The following FADS2 variants were observed in gnomAD, a reference collection of about 807,000 sequenced individuals.
FADS2 encodes the protein fatty acid desaturase 2.
A neutral mutation model predicts 61.2 loss-of-function variants in FADS2; 18 were observed. That is an observed-to-expected ratio of 0.29 (90% CI 0.20 to 0.44). The LOEUF (loss-of-function observed/expected upper bound fraction) is 0.44, where lower values mean the gene tolerates loss of function less well. Ranked by LOEUF, FADS2 falls within the 20% of genes least tolerant of loss-of-function variation. The pLI is 1.00. For synonymous variants in FADS2, 203 were observed against 223.9 expected (o/e 0.91, Z 0.83); for missense variants, 322 against 572.7 (o/e 0.56, Z 4.47).
At position 61,865,486 on chromosome 11, in the gene FADS2, C is replaced by A; in HGVS notation, c.1284-152C>A. ...TGTGGGGTTCCTGGTGGGCTCTGAG[C>A]TGACAGCCCCACAGGCCCAGTGGCA... On this transcript the variant is annotated intron_variant, in intron 11 of 11. Coordinates refer to ENST00000278840, the MANE Select transcript of FADS2 (RefSeq NM_004265.4). This position sits in a 1 kb window ranked among gnomAD's most constrained non-coding sequence, Gnocchi z 4.1. 1.1e-6 allele frequency: 1 copy of A among 928,698 alleles called. No homozygotes were observed. Among genetic ancestry groups the A allele is most frequent in the African/African-American group, 1.6e-5 (1 of 60,630 alleles). The allele number at this position is 928,698 out of a possible 1,614,324, so 57.5% of individuals were successfully genotyped here.
At chr11:61,826,177 G>A, upstream of FADS2, 1 of 702,568 alleles carries the variant, frequency 1.4e-6, no homozygotes, top group Non-Finnish European at 2.6e-6. Context: ...AGGCTGCTGG[G>A]GCTTTTCTCA....
chr11:61,850,795 G>T (rs1170332816), intron 5 of FADS2, among the ~76,000 whole-genome samples: 3 of 152,170 alleles, frequency 2.0e-5, no homozygotes, highest in Non-Finnish European at 4.4e-5. Context: ...ATCAGCATCT[G>T]CCAAGTGAGG....
At position 61,857,627 on chromosome 11, in the gene FADS2, A is replaced by T; in HGVS notation, c.882+97A>T. On this transcript the variant is annotated intron_variant, in intron 7 of 11. Transcript: ENST00000278840. ...GCTGCCTCCTCGTGTGCCCCAGTGG[A>T]GCCTGTGGGGCCCCAGGCATCTCCT... 3 of 1,106,182 alleles carry T rather than the reference A, an allele frequency of 2.7e-6. No individual in the cohort carries two copies. In the South Asian group the frequency reaches 3.8e-5, roughly 14 times the overall value. The allele number at this position is 1,106,182 out of a possible 1,614,324, so 68.5% of individuals were successfully genotyped here.
intron 5 of FADS2, chr11:61,848,669 G>A (rs998028486): frequency 4.3e-4 from 79 of 184,050 alleles, no homozygotes; most frequent in African/African-American, 1.7e-3. Context: ...TTTCTGGCTT[G>A]TTTTTTCCCA....
intron 4 of FADS2, among the ~76,000 whole-genome samples, chr11:61,845,419 T>G (rs964556495): frequency 2.6e-5 from 4 of 152,156 alleles, no homozygotes; most frequent in Admixed American, 2.6e-4. Flanking sequence ...AGCTGGCCAT[T>G]GTTCCTGGGC....
Position 61,816,611 on chromosome 11 carries a change from G to A in FADS2, c.141+185G>A, listed in dbSNP as rs2066986471. On this transcript the variant is annotated intron_variant, in intron 1 of 11. Transcript: ENST00000257261. This position sits in a 1 kb window ranked among gnomAD's most constrained non-coding sequence, Gnocchi z 7.0. ...ACCCGGGAGCCCCCTGGATGCCGGCGGGTGAACTCGCTGATGTTGTACACC... is the reference window on the plus strand; with the variant it reads ...ACCCGGGAGCCCCCTGGATGCCGGCAGGTGAACTCGCTGATGTTGTACACC... 2 of 1,605,172 alleles carry A rather than the reference G, an allele frequency of 1.2e-6. No individual in the cohort carries two copies. Among genetic ancestry groups the A allele is most frequent in the African/African-American group, 1.3e-5 (1 of 74,814 alleles).
chr11:61,859,573 T>C (rs1327485904), intron 7 of FADS2, among the ~76,000 whole-genome samples: 1 of 152,260 alleles, frequency 6.6e-6, no homozygotes, highest in Admixed American at 6.5e-5. Flanking sequence ...TCCATGTTAA[T>C]GAATGGCTCC....
At chr11:61,840,251 G>T in intron 2 of FADS2, 83 bp from the exon 3 acceptor site, 1 of 1,167,406 alleles carries the variant, frequency 8.6e-7, no homozygotes, top group Non-Finnish European at 1.3e-6. Flanking sequence ...TTGTGCATTG[G>T]CTGTTGAAAT....
chr11:61,826,524 G>T (rs1360799640), upstream of FADS2: 1 of 603,704 alleles, frequency 1.7e-6, no homozygotes, highest in African/African-American at 1.9e-5. Context: ...CCATTTCTGA[G>T]AAAATAATTT....
chr11:61,857,180 A>G, intron 6 of FADS2, 109 bp downstream of exon 6: 1 of 1,011,196 alleles, frequency 9.9e-7, no homozygotes, highest in Non-Finnish European at 1.6e-6. Flanking sequence ...GTGACACTAA[A>G]CTTGTTAGAA....
chr11:61,816,780 C>A lies in FADS2; in HGVS notation c.141+354C>A. On this transcript the variant is annotated intron_variant, in intron 1 of 11. Transcript: ENST00000257261. This position sits in a 1 kb window ranked among gnomAD's most constrained non-coding sequence, Gnocchi z 7.0. Reference sequence around the variant, plus strand: ...CCATAGCTGGCCTGGCGACGCCGCGCGCCGGGCCAGCAGGGGCTGTCAGGC... The same window carrying A: ...CCATAGCTGGCCTGGCGACGCCGCGAGCCGGGCCAGCAGGGGCTGTCAGGC... 1 of 1,519,742 alleles carries A rather than the reference C, an allele frequency of 6.6e-7. No homozygotes were observed. Among genetic ancestry groups the A allele is most frequent in the Non-Finnish European group, 8.8e-7 (1 of 1,139,444 alleles). 94.1% of individuals were successfully genotyped at this position (1,519,742 alleles called of 1,614,324 possible).
At chr11:61,858,608 T>C (rs1016726990) in intron 7 of FADS2, among the ~76,000 whole-genome samples, 3 of 151,776 alleles carry the variant, frequency 2.0e-5, no homozygotes, top group African/African-American at 7.3e-5. Flanking sequence ...TTTTTTGAGA[T>C]GGTGTTTCGC....
chr11:61,844,311 C>T (rs528694883), intron 4 of FADS2, among the ~76,000 whole-genome samples: 1 of 152,258 alleles, frequency 6.6e-6, no homozygotes, highest in Non-Finnish European at 1.5e-5. Flanking sequence ...TGGCTCATGC[C>T]TGTAATCCCA....
intron 1 of FADS2, among the ~76,000 whole-genome samples, chr11:61,831,369 A>T (rs922704527): frequency 1.1e-4 from 16 of 152,150 alleles, no homozygotes; most frequent in Admixed American, 1.0e-3. Flanking sequence ...ATTCCCAGGC[A>T]ATGTTCTGAG....
At chr11:61,837,496 G>A (rs538323116) in intron 1 of FADS2, among the ~76,000 whole-genome samples, 17 of 152,316 alleles carry the variant, frequency 1.1e-4, no homozygotes, top group Admixed American at 3.9e-4. Context: ...ACCATTTCCC[G>A]ACCTGCCCAA....
intron 1 of FADS2, among the ~76,000 whole-genome samples, chr11:61,822,981 CTT>C (rs1232581105): frequency 6.6e-6 from 1 of 152,178 alleles, no homozygotes; most frequent in Admixed American, 6.5e-5. Flanking sequence ...TTTTTAGTCT[CTT>C]GTCATTTGTT....
In FADS2 at chr11:61,865,307, C is replaced by T; in HGVS notation, c.1283+30C>T. On this transcript the variant is annotated intron_variant, in intron 11 of 11. Coordinates refer to ENST00000278840, the MANE Select transcript of FADS2 (RefSeq NM_004265.4). This position sits in a 1 kb window ranked among gnomAD's most constrained non-coding sequence, Gnocchi z 4.1. ...GGGGTGGAGGTCCACAGGCGCTGGG[C>T]CCTGGGATCACCCGTGGTGCAGACA... 1.9e-6 allele frequency: 3 copies of T among 1,609,358 alleles called. No homozygotes were observed. The highest frequency in any genetic ancestry group is 2.5e-6 in the Non-Finnish European group (3 of 1,178,666).
chr11:61,844,022 A>G (rs1200438758), intron 4 of FADS2, among the ~76,000 whole-genome samples: 1 of 152,226 alleles, frequency 6.6e-6, no homozygotes, highest in Non-Finnish European at 1.5e-5. Context: ...ACAAAATATC[A>G]AAATTTTAAA....
At chr11:61,824,477 A>G (rs1565325322), upstream of FADS2, among the ~76,000 whole-genome samples, 9 of 6,846 alleles carry the variant, frequency 1.3e-3, no homozygotes, top group Non-Finnish European at 0.012. Context: ...AGAGAGAGAG[A>G]GAGAGAGAGA....
Sources: gnomAD v4.1 joint callset for allele counts (sites outside exome capture counted in the v4.1 genomes callset) on GRCh38, gnomAD v4.1.1 for gene constraint, Gnocchi (gnomAD v3.1) non-coding constraint, MANE v1.5 for transcripts, NCBI Gene and HGNC (gene_info 2026-07-23, HGNC 2026-07-21) for gene names.